CPPED1: variants seen among roughly 807,000 people sequenced by gnomAD.
CPPED1 encodes calcineurin like phosphoesterase domain containing 1, also known as serine/threonine-protein phosphatase CPPED1.
A neutral mutation model predicts 28.0 loss-of-function variants in CPPED1; 28 were observed. The observed-to-expected ratio is 1.00, with a 90% CI of 0.74 to 1.37. The LOEUF is 1.37. CPPED1 is among the 40% of genes most tolerant of loss of function. The pLI, the probability that CPPED1 is intolerant of heterozygous loss-of-function variation, is 0.00. For missense variants in CPPED1, 504 were observed against 416.5 expected (o/e 1.21, Z -1.83); for synonymous variants, 198 against 180.2 (o/e 1.10, Z -0.79).
chr16:12,748,197 C>G (rs1385612664), intron 2 of CPPED1, among the ~76,000 whole-genome samples: 2 of 152,140 alleles, frequency 1.3e-5, no homozygotes, highest in East Asian at 1.9e-4. Flanking sequence ...TAGCAAAAGG[C>G]TGAAAACAAC....
intron 2 of CPPED1, among the ~76,000 whole-genome samples, chr16:12,738,355 A>G (rs1265092058): frequency 6.6e-6 from 1 of 152,220 alleles, no homozygotes; most frequent in East Asian, 1.9e-4. Context: ...TGGGTGGTAC[A>G]GAATTACGAG....
intron 1 of CPPED1, among the ~76,000 whole-genome samples, chr16:12,782,597 T>C (rs1436851325): frequency 6.6e-6 from 1 of 150,744 alleles, no homozygotes; most frequent in Non-Finnish European, 1.5e-5. Flanking sequence ...CAGTGGTTCA[T>C]GCCTATAATC....
intron 2 of CPPED1, among the ~76,000 whole-genome samples, chr16:12,744,360 A>C (rs1234986814): frequency 6.6e-6 from 1 of 151,420 alleles, no homozygotes; most frequent in East Asian, 1.9e-4. Flanking sequence ...CTTCTCTAAG[A>C]ATTATAAAAA....
intron 2 of CPPED1, among the ~76,000 whole-genome samples, chr16:12,727,124 T>C (rs2080174308): frequency 6.6e-6 from 1 of 152,188 alleles, no homozygotes. Context: ...AGCCCTGCGT[T>C]GGCCACATTC....
chr16:12,785,870 G>C (rs1023156076), intron 1 of CPPED1, among the ~76,000 whole-genome samples: 1 of 151,850 alleles, frequency 6.6e-6, no homozygotes, highest in East Asian at 1.9e-4. Context: ...CTTGAGCCAT[G>C]GAAGTATGGA....
chr16:12,683,616 A>G (rs1041607198), intron 3 of CPPED1, among the ~76,000 whole-genome samples: 1 of 152,064 alleles, frequency 6.6e-6, no homozygotes, highest in Non-Finnish European at 1.5e-5. Context: ...CCATGCAGTC[A>G]TCCAACCCAG....
intron 2 of CPPED1, among the ~76,000 whole-genome samples, chr16:12,705,630 C>A (rs901781277): frequency 2.6e-5 from 4 of 152,100 alleles, no homozygotes; most frequent in Non-Finnish European, 5.9e-5. Context: ...TGGGCACGGG[C>A]ACCTGTAATC....
At chr16:12,681,406 T>G (rs1196021303) in intron 3 of CPPED1, among the ~76,000 whole-genome samples, 2 of 152,258 alleles carry the variant, frequency 1.3e-5, no homozygotes, top group African/African-American at 2.4e-5. Flanking sequence ...CCCCTTGACC[T>G]TGGACTTCCC....
intron 3 of CPPED1, among the ~76,000 whole-genome samples, chr16:12,691,535 T>C (rs953006378): frequency 2.6e-5 from 4 of 152,132 alleles, no homozygotes; most frequent in African/African-American, 9.7e-5. Context: ...GCGGCATTAT[T>C]CACAATAGCA....
intron 2 of CPPED1, among the ~76,000 whole-genome samples, chr16:12,741,270 C>T (rs1380196624): frequency 2.0e-5 from 3 of 147,428 alleles, no homozygotes; most frequent in African/African-American, 7.5e-5. Flanking sequence ...TAAAAATCAG[C>T]AGAAAAAAAT....
At chr16:12,792,711 A>G (rs1032555468) in intron 1 of CPPED1, among the ~76,000 whole-genome samples, 4 of 152,254 alleles carry the variant, frequency 2.6e-5, no homozygotes, top group South Asian at 2.1e-4. Context: ...ATGATAGTGA[A>G]TAAGTCTCAC....
At chr16:12,729,878 T>G (rs2080188552) in intron 2 of CPPED1, among the ~76,000 whole-genome samples, 1 of 152,210 alleles carries the variant, frequency 6.6e-6, no homozygotes, top group East Asian at 1.9e-4. Context: ...TTGCTTCTTT[T>G]GAGATGGGAG....
intron 2 of CPPED1, among the ~76,000 whole-genome samples, chr16:12,744,973 G>A (rs1199261543): frequency 2.0e-5 from 3 of 152,258 alleles, no homozygotes; most frequent in Non-Finnish European, 2.9e-5. Context: ...GGGCAATAGA[G>A]CCAGACCTTG....
intron 1 of CPPED1, among the ~76,000 whole-genome samples, chr16:12,795,809 C>A (rs553512124): frequency 1.4e-4 from 22 of 152,024 alleles, no homozygotes; most frequent in African/African-American, 5.1e-4. Flanking sequence ...TGAGGCCAGG[C>A]GTGGTGGCTT....
At chr16:12,789,277 C>G (rs538216421) in intron 1 of CPPED1, among the ~76,000 whole-genome samples, 1 of 152,102 alleles carries the variant, frequency 6.6e-6, no homozygotes, top group Non-Finnish European at 1.5e-5. Flanking sequence ...AATGACAAAC[C>G]CTTATCTATG....
intron 2 of CPPED1, among the ~76,000 whole-genome samples, chr16:12,743,695 T>C (rs1045530662): frequency 2.0e-5 from 3 of 152,154 alleles, no homozygotes; most frequent in African/African-American, 7.2e-5. Flanking sequence ...GAAATCCACG[T>C]GCTCAGAAAA....
At chr16:12,786,255 C>G (rs527299422) in intron 1 of CPPED1, among the ~76,000 whole-genome samples, 2 of 152,192 alleles carry the variant, frequency 1.3e-5, no homozygotes, top group South Asian at 2.1e-4. Flanking sequence ...GGGTGAGGAT[C>G]TGCATTTTAC....
At chr16:12,796,760 G>C (rs951775161) in intron 1 of CPPED1, among the ~76,000 whole-genome samples, 2 of 152,100 alleles carry the variant, frequency 1.3e-5, no homozygotes, top group African/African-American at 4.8e-5. Context: ...ATACCCTTAA[G>C]AAGATGTGTC....
At chr16:12,725,852 C>T (rs755755257) in intron 2 of CPPED1, among the ~76,000 whole-genome samples, 1 of 152,142 alleles carries the variant, frequency 6.6e-6, no homozygotes, top group African/African-American at 2.4e-5. Flanking sequence ...GTCACTTTGA[C>T]ACCACCTCTT....
Sources: allele counts gnomAD v4.1 joint callset (sites outside exome capture counted in the v4.1 genomes callset), GRCh38; gene constraint gnomAD v4.1.1; transcripts MANE v1.5; gene names NCBI Gene and HGNC (gene_info 2026-07-23, HGNC 2026-07-21).